Variants in TBC1D5 observed in about 807,000 individuals in gnomAD.
TBC1D5 encodes TBC1 domain family, member 5.
A neutral mutation model predicts 100.3 loss-of-function variants in TBC1D5; 75 were observed. The ratio of observed to expected loss-of-function variants is 0.75; its 90% CI spans 0.62 to 0.91. The LOEUF is 0.91. Ranked by LOEUF, TBC1D5 falls within the 40% of genes least tolerant of loss-of-function variation. The pLI is 0.00. For synonymous variants in TBC1D5, 323 were observed against 325.6 expected, an observed-to-expected ratio of 0.99 and a Z score of 0.09; for missense variants, 910 against 942.4, an observed-to-expected ratio of 0.97 and a Z score of 0.45.
chr3:17,467,295 T>C (rs1397860079), intron 3 of TBC1D5, among the ~76,000 whole-genome samples: 3 of 151,100 alleles, frequency 2.0e-5, no homozygotes, highest in African/African-American at 7.3e-5. Flanking sequence ...TCTTTTTTTT[T>C]TTTTTTTTTG....
At chr3:17,358,286 G>A (rs112169580) in intron 13 of TBC1D5, among the ~76,000 whole-genome samples, 9,218 of 152,146 alleles carry the variant, frequency 0.061, 550 homozygotes, top group African/African-American at 0.15. Flanking sequence ...CTGGGTTCAA[G>A]TGATTCTCCT....
chr3:17,518,683 C>T (rs1441907411), intron 2 of TBC1D5, among the ~76,000 whole-genome samples: 1 of 152,244 alleles, frequency 6.6e-6, no homozygotes, highest in Non-Finnish European at 1.5e-5. Flanking sequence ...ATTCTTTGCC[C>T]TTCCTGGCAG....
intron 1 of TBC1D5, among the ~76,000 whole-genome samples, chr3:17,708,326 GA>G (rs1560524551): frequency 6.6e-6 from 1 of 152,100 alleles, no homozygotes; most frequent in East Asian, 1.9e-4. Flanking sequence ...ATCAAGTAGC[GA>G]ATCACATATG....
At chr3:17,695,534 A>T (rs2071905644) in intron 1 of TBC1D5, among the ~76,000 whole-genome samples, 1 of 152,258 alleles carries the variant, frequency 6.6e-6, no homozygotes, top group African/African-American at 2.4e-5. Context: ...GATCAATTCA[A>T]CAAGAAAAGC....
intron 13 of TBC1D5, among the ~76,000 whole-genome samples, chr3:17,313,814 A>T (rs1396147003): frequency 6.6e-6 from 1 of 152,220 alleles, no homozygotes; most frequent in Non-Finnish European, 1.5e-5. Context: ...CGTTGGAAAT[A>T]GAATTCCTGT....
chr3:17,469,582 T>G (rs991130352), intron 3 of TBC1D5, among the ~76,000 whole-genome samples: 1 of 152,210 alleles, frequency 6.6e-6, no homozygotes, highest in Non-Finnish European at 1.5e-5. Context: ...AAACGCATCT[T>G]TACTTAGCTA....
intron 2 of TBC1D5, among the ~76,000 whole-genome samples, chr3:17,573,351 C>T (rs1195510891): frequency 2.6e-5 from 4 of 152,002 alleles, no homozygotes; most frequent in Non-Finnish European, 5.9e-5. Context: ...TGAATTTTGC[C>T]TCTCATCTTA....
chr3:17,552,019 G>A (rs2096478305), intron 2 of TBC1D5, among the ~76,000 whole-genome samples: 1 of 151,994 alleles, frequency 6.6e-6, no homozygotes, highest in Non-Finnish European at 1.5e-5. Flanking sequence ...CAGCACCTGA[G>A]CAATGGCATG....
intron 3 of TBC1D5, among the ~76,000 whole-genome samples, chr3:17,498,879 A>T (rs911389407): frequency 1.3e-5 from 2 of 151,900 alleles, no homozygotes; most frequent in African/African-American, 4.8e-5. Flanking sequence ...CAGCTATATT[A>T]AAAAAAATGC....
At chr3:17,602,111 G>C (rs2060994849) in intron 2 of TBC1D5, among the ~76,000 whole-genome samples, 1 of 152,182 alleles carries the variant, frequency 6.6e-6, no homozygotes, top group African/African-American at 2.4e-5. Context: ...TATTACAGGC[G>C]TAAGCCATTG....
At chr3:17,184,997 T>TA in intron 19 of TBC1D5, 112 bp downstream of exon 20, 1 of 813,800 alleles carries the variant, frequency 1.2e-6, no homozygotes, top group Non-Finnish European at 1.9e-6. Context: ...TTGTAAGGAT[T>TA]AAATAAGGTA....
At chr3:17,412,146 G>A (rs2093944134) in intron 4 of TBC1D5, among the ~76,000 whole-genome samples, 1 of 152,112 alleles carries the variant, frequency 6.6e-6, no homozygotes, top group Non-Finnish European at 1.5e-5. Flanking sequence ...AAAGCACTCT[G>A]GTAGTACAGA....
chr3:17,183,258 C>T (rs1440123476), intron 19 of TBC1D5, among the ~76,000 whole-genome samples: 1 of 152,140 alleles, frequency 6.6e-6, no homozygotes, highest in African/African-American at 2.4e-5. Context: ...GCTGTTCATG[C>T]CAAGTCCCCC....
At chr3:17,251,768 A>T (rs1184912986) in intron 16 of TBC1D5, among the ~76,000 whole-genome samples, 5 of 152,198 alleles carry the variant, frequency 3.3e-5, no homozygotes. Flanking sequence ...ATTTCTTTTT[A>T]AAAATGGGAA....
chr3:17,684,178 A>T (rs991934433), intron 1 of TBC1D5, among the ~76,000 whole-genome samples: 2 of 151,980 alleles, frequency 1.3e-5, no homozygotes, highest in African/African-American at 2.4e-5. Context: ...GTGGTTGTTC[A>T]TCTCCAGAAA....
At chr3:17,653,104 C>T (rs781156907) in intron 1 of TBC1D5, among the ~76,000 whole-genome samples, 4 of 152,112 alleles carry the variant, frequency 2.6e-5, no homozygotes, top group Non-Finnish European at 5.9e-5. Flanking sequence ...ATTCCACTTA[C>T]ATGAAACATC....
chr3:17,222,582 G>A (rs1009227550), intron 17 of TBC1D5, among the ~76,000 whole-genome samples: 2 of 151,946 alleles, frequency 1.3e-5, no homozygotes, highest in Non-Finnish European at 2.9e-5. Flanking sequence ...AATGTCTTCC[G>A]GCCTTCGGTT....
chr3:17,443,989 C>G (rs1553756939), intron 3 of TBC1D5, among the ~76,000 whole-genome samples: 1 of 151,986 alleles, frequency 6.6e-6, no homozygotes, highest in Non-Finnish European at 1.5e-5. Flanking sequence ...ATCAAAATCA[C>G]ATAAGTCTTC....
chr3:17,484,670 G>A (rs2095539998), intron 3 of TBC1D5, among the ~76,000 whole-genome samples: 1 of 151,974 alleles, frequency 6.6e-6, no homozygotes, highest in Admixed American at 6.6e-5. Context: ...TTTTCATAGA[G>A]ATAGGGTCTT....
Sources: allele counts gnomAD v4.1 joint callset (sites outside exome capture counted in the v4.1 genomes callset), GRCh38; gene constraint gnomAD v4.1.1; transcripts MANE v1.5; gene names NCBI Gene and HGNC (gene_info 2026-07-23, HGNC 2026-07-21).